TIAM2: variants seen among roughly 807,000 people sequenced by gnomAD.
The protein encoded by TIAM2 is rho guanine nucleotide exchange factor TIAM2.
A neutral mutation model predicts 152.9 loss-of-function variants in TIAM2; 80 were observed. The ratio of observed to expected loss-of-function variants is 0.52; its 90% CI spans 0.44 to 0.63. TIAM2 has a LOEUF of 0.63. Ranked by LOEUF, TIAM2 falls within the 30% of genes least tolerant of loss-of-function variation. The pLI is 0.00. For synonymous variants in TIAM2, 804 were observed against 838.0 expected (o/e 0.96, Z 0.70); for missense variants, 1,965 against 2,120.1 (o/e 0.93, Z 1.44).
chr6:155,042,086 G>A (rs1777058829), intron 1 of TIAM2, among the ~76,000 whole-genome samples: 1 of 151,656 alleles, frequency 6.6e-6, no homozygotes, highest in Admixed American at 6.6e-5. Flanking sequence ...TTTTCCTGTG[G>A]CCTCCTGGCT....
intron 1 of TIAM2, among the ~76,000 whole-genome samples, chr6:155,051,444 A>G (rs919688945): frequency 7.2e-5 from 11 of 152,152 alleles, no homozygotes; most frequent in African/African-American, 2.7e-4. Context: ...TATTCTCCAC[A>G]TTTATTTTCC....
chr6:155,121,369 CAT>C (rs1432191488), intron 2 of TIAM2, among the ~76,000 whole-genome samples: 3 of 152,140 alleles, frequency 2.0e-5, no homozygotes, highest in East Asian at 1.9e-4. Context: ...GATGGTTTCA[CAT>C]ATGTTTCCAC....
At chr6:155,116,916 T>C (rs1025995159) in intron 2 of TIAM2, among the ~76,000 whole-genome samples, 2 of 152,062 alleles carry the variant, frequency 1.3e-5, no homozygotes, top group Non-Finnish European at 2.9e-5. Flanking sequence ...GCTTTAGGTC[T>C]TTTGAATCTT....
chr6:155,122,563 G>A (rs12212897), intron 2 of TIAM2, among the ~76,000 whole-genome samples: 55,201 of 141,474 alleles, frequency 0.39, 13,588 homozygotes, highest in African/African-American at 0.68. Context: ...ATTGTGATAA[G>A]TTTTTTAAAA....
chr6:155,128,583 G>T lies in TIAM2; in HGVS notation c.-6-635G>T, dbSNP rs576947457. On this transcript the variant is annotated intron_variant, in intron 3 of 26. Transcript: ENST00000682666. The stretch of plus-strand genomic sequence containing the variant: ...TCTTCAAGAATCATTAGTTTGGTCA[G>T]GTGTGGTGGCTCACACCTGTGATGC... 6.6e-5 allele frequency among the ~76,000 whole-genome samples: 10 copies of T among 152,200 alleles called. No homozygotes were observed. In the East Asian group the frequency reaches 1.9e-3, roughly 29 times the overall value.
intron 1 of TIAM2, among the ~76,000 whole-genome samples, chr6:155,028,705 TTA>T (rs1228441482): frequency 2.3e-5 from 2 of 85,982 alleles, no homozygotes; most frequent in Admixed American, 1.1e-4. Flanking sequence ...ATATACTGTG[TTA>T]TATATATACT....
chr6:155,252,324 C>T (rs907522646), intron 23 of TIAM2, among the ~76,000 whole-genome samples: 1 of 152,128 alleles, frequency 6.6e-6, no homozygotes, highest in African/African-American at 2.4e-5. Flanking sequence ...ATACAAGTAA[C>T]TGGGTGTGGT....
chr6:155,130,017 G>A lies in TIAM2; in HGVS notation c.794G>A (p.Gly265Asp), dbSNP rs1380799287. The part of the protein sequence containing the change: ...GNAGELSEAE[G>D]SFLAPGMPDP... ...GCTGGAGAGCTGAGCGAGGCTGAGG[G>A]CTCCTTCCTGGCCCCCGGCATGCCT... Residue 265 changes from glycine to aspartate, a missense_variant, in exon 4 of 27, where the codon GGC (glycine) becomes GAC (aspartate). By Grantham distance (94) the Gly-to-Asp change is moderately conservative. This residue lies in a region of TIAM2 where 1,025 missense variants were observed against 1,119.4 expected (regional missense o/e 0.92). Coordinates refer to ENST00000682666, the MANE Select transcript of TIAM2 (RefSeq NM_012454.4). The A allele has an allele frequency of 8.1e-6, 13 of 1,614,098 alleles. No homozygotes were observed. The highest frequency in any genetic ancestry group is 4.0e-5 in the African/African-American group (3 of 75,044).
chr6:155,019,248 C>G lies in TIAM2; in HGVS notation c.-209+23756C>G, dbSNP rs1375807436. Among the ~76,000 whole-genome samples, 3 of 151,828 alleles carry G rather than the reference C, an allele frequency of 2.0e-5. No homozygotes were observed. In the East Asian group the frequency reaches 5.8e-4, roughly 29 times the overall value. On this transcript the variant is annotated intron_variant, in intron 1 of 26. Coordinates refer to ENST00000682666, the MANE Select transcript of TIAM2 (RefSeq NM_012454.4). ...ACTCGAGAGGCTGAGACAGGAGAAT[C>G]ATTTGAACCGGGGAGGTGGAGGCTG...
intron 2 of TIAM2, among the ~76,000 whole-genome samples, chr6:155,112,187 G>A (rs1327371269): frequency 1.4e-5 from 2 of 144,378 alleles, no homozygotes; most frequent in African/African-American, 2.6e-5. Flanking sequence ...CTGCAGTGAT[G>A]CGATCTCGGC....
intron 14 of TIAM2, among the ~76,000 whole-genome samples, chr6:155,204,152 T>C (rs1040127393): frequency 3.3e-5 from 5 of 152,240 alleles, no homozygotes; most frequent in African/African-American, 1.2e-4. Context: ...TATAATTATC[T>C]GAGCTAGGAA....
rs1004428579 is a variant in TIAM2 at position 155,257,425 on chromosome 6, G to A, written c.*304G>A. Reference sequence around the variant, plus strand: ...TAAGTTATGTGGAAAAAGTAAGGCTGGGGAAGTCGTGATTAATAGTTTTCA... The same window carrying A: ...TAAGTTATGTGGAAAAAGTAAGGCTAGGGAAGTCGTGATTAATAGTTTTCA... On this transcript the variant is annotated 3_prime_UTR_variant, in exon 27 of 27. Transcript: ENST00000682666. The A allele has an allele frequency of 2.7e-6, 1 of 365,724 alleles. No homozygotes were observed. The allele number at this position is 365,724 out of a possible 1,614,324, so 22.7% of individuals were successfully genotyped here.
intron 1 of TIAM2, among the ~76,000 whole-genome samples, chr6:155,027,441 T>C (rs1776632022): frequency 1.1e-5 from 1 of 94,662 alleles, no homozygotes; most frequent in Admixed American, 1.4e-4. Flanking sequence ...CTATATATAA[T>C]ATATATACTG....
At chr6:155,051,272 A>G (rs766278444) in intron 1 of TIAM2, among the ~76,000 whole-genome samples, 5 of 152,302 alleles carry the variant, frequency 3.3e-5, no homozygotes, top group African/African-American at 9.6e-5. Context: ...ACAGCGCGTA[A>G]TGGAAAGGGA....
chr6:155,153,888 G>C (rs1049604852), intron 7 of TIAM2, among the ~76,000 whole-genome samples: 1 of 152,106 alleles, frequency 6.6e-6, no homozygotes, highest in East Asian at 1.9e-4. Context: ...TCCCAAACTG[G>C]TGGGATTACA....
In TIAM2 at chr6:155,253,958, T is replaced by G; in HGVS notation, c.4226-15T>G. 1.2e-6 allele frequency: 2 copies of G among 1,606,590 alleles called. No homozygotes were observed. Among genetic ancestry groups the G allele is most frequent in the South Asian group, 1.1e-5 (1 of 89,368 alleles). On this transcript the variant is annotated splice_polypyrimidine_tract_variant and intron_variant, in intron 24 of 26. Coordinates refer to ENST00000682666, the MANE Select transcript of TIAM2 (RefSeq NM_012454.4). ...GCAAAGTTGTAGACTCTTGTTTCCA[T>G]TTCCTTTTACATAGGGACAGAAAAT...
chr6:155,002,987 C>G (rs545555010), intron 1 of TIAM2, among the ~76,000 whole-genome samples: 3 of 152,254 alleles, frequency 2.0e-5, no homozygotes, highest in African/African-American at 7.2e-5. Flanking sequence ...AGCCACTGAG[C>G]CCAGCCATGC....
intron 15 of TIAM2, among the ~76,000 whole-genome samples, chr6:155,212,945 A>G (rs774522278): frequency 6.6e-6 from 1 of 152,118 alleles, no homozygotes; most frequent in Non-Finnish European, 1.5e-5. Flanking sequence ...CACATATTAC[A>G]AGCAGTTTCC....
intron 3 of TIAM2, 83 bp downstream of exon 3, chr6:155,127,683 G>A: frequency 2.3e-6 from 1 of 434,362 alleles, no homozygotes; most frequent in Admixed American, 2.7e-5. Flanking sequence ...AATTATTTGG[G>A]CTAGCGATTT....
Sources: gnomAD v4.1 joint callset for allele counts (sites outside exome capture counted in the v4.1 genomes callset) on GRCh38, gnomAD v4.1.1 for gene constraint, gnomAD v4.1.1 regional missense constraint, MANE v1.5 for transcripts, NCBI Gene and HGNC (gene_info 2026-07-23, HGNC 2026-07-21) for gene names.